OR51B5: variants seen among roughly 807,000 people sequenced by gnomAD.
OR51B5 encodes the protein olfactory receptor 51B5.
For synonymous variants in OR51B5, 186 were observed against 144.8 expected, an observed-to-expected ratio of 1.28 and a Z score of -2.04; for missense variants, 456 against 374.6, an observed-to-expected ratio of 1.22 and a Z score of -1.79.
chr11:5,431,067 G>A (rs1213126986), intron 1 of OR51B5: 2 of 452,010 alleles, frequency 4.4e-6, no homozygotes, highest in East Asian at 1.4e-4. Context: ...GGAGGCAGTA[G>A]GAGTGTGAGA....
intron 1 of OR51B5, among the ~76,000 whole-genome samples, chr11:5,504,778 T>C (rs16931955): frequency 0.046 from 7,057 of 152,256 alleles, 316 homozygotes; most frequent in East Asian, 0.25. Flanking sequence ...GGCCCTACCT[T>C]AGCTGCTAGG....
At chr11:5,453,084 A>G (rs752486789) in intron 1 of OR51B5, among the ~76,000 whole-genome samples, 14 of 152,238 alleles carry the variant, frequency 9.2e-5, no homozygotes, top group Non-Finnish European at 1.9e-4. Flanking sequence ...AGTGCTACTG[A>G]TAACACAAAC....
At chr11:5,412,887 C>G (rs1262133282) in intron 1 of OR51B5, among the ~76,000 whole-genome samples, 1 of 151,972 alleles carries the variant, frequency 6.6e-6, no homozygotes, top group African/African-American at 2.4e-5. Flanking sequence ...AAGAAAACAG[C>G]AGTAACCTCT....
chr11:5,433,502 C>G (rs1850559143), intron 1 of OR51B5, among the ~76,000 whole-genome samples: 1 of 152,096 alleles, frequency 6.6e-6, no homozygotes, highest in Non-Finnish European at 1.5e-5. Flanking sequence ...TCTGGTTACC[C>G]AGTGTTGATG....
At chr11:5,394,321 A>G (rs998827508) in intron 1 of OR51B5, among the ~76,000 whole-genome samples, 7 of 152,184 alleles carry the variant, frequency 4.6e-5, no homozygotes, top group Admixed American at 3.9e-4. Context: ...CCAATATTAT[A>G]CCAAGTTTGA....
Position 5,440,645 on chromosome 11 carries a change from G to A in OR51B5, n.84+64924C>T, listed in dbSNP as rs751253942. 8.1e-6 allele frequency: 13 copies of A among 1,613,768 alleles called. 1 individual carries two copies. Among genetic ancestry groups the A allele is most frequent in the Non-Finnish European group, 1.0e-5 (12 of 1,179,864 alleles). On this transcript the variant is annotated intron_variant and non_coding_transcript_variant, in intron 1 of 4. Coordinates refer to the OR51B5 transcript ENST00000415970. Reference sequence around the variant, plus strand: ...TGGTTTTCACACTGTAGATGATAGGGTTGAGCATGGGTGGTACAAACAGGT... The same window carrying A: ...TGGTTTTCACACTGTAGATGATAGGATTGAGCATGGGTGGTACAAACAGGT...
exon 1 of OR51B5, chr11:5,342,682 G>T (rs748209109): frequency 1.2e-6 from 2 of 1,613,822 alleles, no homozygotes; most frequent in Admixed American, 1.7e-5. Context: ...TTAGTGGAGG[G>T]AACAGAAAAT....
chr11:5,365,626 T>C (rs1849352879), intron 1 of OR51B5, among the ~76,000 whole-genome samples: 2 of 152,328 alleles, frequency 1.3e-5, no homozygotes, highest in East Asian at 1.9e-4. Flanking sequence ...TTGGTGTGAA[T>C]CTGACTACTG....
intron 1 of OR51B5, chr11:5,422,706 C>T (rs754720163): frequency 5.0e-6 from 8 of 1,614,052 alleles, no homozygotes; most frequent in Non-Finnish European, 6.8e-6. Flanking sequence ...AAGCGACTGC[C>T]TTTCTGCCAC....
intron 1 of OR51B5, chr11:5,431,308 C>G (rs1238082066): frequency 3.3e-6 from 1 of 303,650 alleles, no homozygotes; most frequent in East Asian, 7.9e-5. Flanking sequence ...CTGGGCCAGG[C>G]AGCCATCAAA....
intron 1 of OR51B5, chr11:5,352,426 C>A: frequency 6.3e-7 from 1 of 1,596,624 alleles, no homozygotes; most frequent in Non-Finnish European, 8.5e-7. Flanking sequence ...TTTATTCTCT[C>A]TGCCTCACTC....
intron 1 of OR51B5, among the ~76,000 whole-genome samples, chr11:5,370,439 G>A (rs1170340768): frequency 6.6e-6 from 1 of 152,102 alleles, no homozygotes; most frequent in Admixed American, 6.6e-5. Flanking sequence ...ATCTTCAGAG[G>A]ATCATTTGTT....
intron 1 of OR51B5, chr11:5,384,055 C>G (rs1849648918): frequency 6.6e-6 from 1 of 152,206 alleles, no homozygotes; most frequent in African/African-American, 2.4e-5. Context: ...GACATGGTCT[C>G]AGTTACAATT....
intron 1 of OR51B5, among the ~76,000 whole-genome samples, chr11:5,363,950 G>C (rs1849326744): frequency 6.6e-6 from 1 of 152,156 alleles, no homozygotes; most frequent in African/African-American, 2.4e-5. Context: ...TGTAAAGGAG[G>C]AGAAGCTTGT....
intron 1 of OR51B5, among the ~76,000 whole-genome samples, chr11:5,485,661 C>A (rs1320817896): frequency 6.6e-6 from 1 of 152,202 alleles, no homozygotes; most frequent in Non-Finnish European, 1.5e-5. Flanking sequence ...ACCCATCAGG[C>A]AGGCCTATGT....
chr11:5,357,560 A>G (rs944311620), intron 1 of OR51B5, among the ~76,000 whole-genome samples: 3 of 151,964 alleles, frequency 2.0e-5, no homozygotes, highest in Admixed American at 2.0e-4. Context: ...AACATTAGAC[A>G]GATCAACATT....
intron 1 of OR51B5, chr11:5,440,522 A>G (rs200672787): frequency 1.5e-6 from 2 of 1,355,564 alleles, no homozygotes. Flanking sequence ...AGTTGTTAAC[A>G]TGTCCCAATC....
At chr11:5,455,183 A>G (rs1326996805) in intron 1 of OR51B5, 1 of 152,212 alleles carries the variant, frequency 6.6e-6, no homozygotes, top group African/African-American at 2.4e-5. Flanking sequence ...TACCAACAGA[A>G]AACAATGTTC....
chr11:5,378,333 C>T (rs564779373), intron 1 of OR51B5, among the ~76,000 whole-genome samples: 10 of 151,844 alleles, frequency 6.6e-5, no homozygotes, highest in Non-Finnish European at 1.3e-4. Context: ...AAGACTTAAA[C>T]ATTAGACCTA....
Sources: allele counts gnomAD v4.1 joint callset (sites outside exome capture counted in the v4.1 genomes callset), GRCh38; gene constraint gnomAD v4.1.1; transcripts MANE v1.5; gene names NCBI Gene and HGNC (gene_info 2026-07-23, HGNC 2026-07-21).